Variants in PAX5 observed in about 807,000 individuals in gnomAD.
PAX5 encodes the protein paired box protein Pax-5.
PAX5 carries 9 observed loss-of-function variants against 43.7 expected under a neutral mutation model. The ratio of observed to expected loss-of-function variants is 0.21; its 90% CI spans 0.12 to 0.36. The LOEUF is 0.36. PAX5 is among the 10% of genes least tolerant of loss of function. PAX5 has a pLI of 1.00. For synonymous variants in PAX5, 228 were observed against 214.3 expected (o/e 1.06, Z -0.56); for missense variants, 383 against 532.7 (o/e 0.72, Z 2.77).
chr9:37,029,586 C>T (rs1690722059), intron 1 of PAX5, among the ~76,000 whole-genome samples: 2 of 152,366 alleles, frequency 1.3e-5, no homozygotes, highest in Non-Finnish European at 2.9e-5. Context: ...ATGGAATAGA[C>T]TTCCTGCACT....
chr9:36,902,436 G>A (rs1385430856), intron 7 of PAX5, among the ~76,000 whole-genome samples: 2 of 152,228 alleles, frequency 1.3e-5, no homozygotes, highest in Non-Finnish European at 2.9e-5. Flanking sequence ...AAACACGAAG[G>A]AAGATTGAAC....
intron 6 of PAX5, among the ~76,000 whole-genome samples, chr9:36,964,165 G>A (rs551332210): frequency 1.3e-4 from 19 of 151,556 alleles, no homozygotes; most frequent in South Asian, 8.4e-4. Context: ...CCTGTAGTCC[G>A]TCCTACTCGG....
At chr9:36,915,464 AT>A in intron 7 of PAX5, among the ~76,000 whole-genome samples, 1 of 152,376 alleles carries the variant, frequency 6.6e-6, no homozygotes, top group African/African-American at 2.4e-5. Flanking sequence ...ACGTTTTCAT[AT>A]ACTGCTGGGC....
In PAX5 at chr9:36,867,063, G is replaced by A. The variant is rs567621318; in HGVS notation, c.1012+14941C>T. 3.7e-5 allele frequency among the ~76,000 whole-genome samples: 5 copies of A among 134,296 alleles called. 1 individual carries two copies. The highest frequency in any genetic ancestry group is 4.8e-4 in the East Asian group (2 of 4,182). The allele number at this position is 134,296 out of a possible 152,430, so 88.1% of individuals were successfully genotyped here. On this transcript the variant is annotated intron_variant, in intron 8 of 9. Coordinates refer to ENST00000358127, the MANE Select transcript of PAX5 (RefSeq NM_016734.3). ...CAAAATGTCCTGGATGGGGTGGTGG[G>A]GGGGGGGCCTTGGTTGGTCTCCTGC... is the stretch of plus-strand genomic sequence containing the variant.
intron 5 of PAX5, among the ~76,000 whole-genome samples, chr9:36,972,794 G>A (rs941240720): frequency 4.6e-5 from 7 of 152,134 alleles, no homozygotes; most frequent in Admixed American, 2.0e-4. Flanking sequence ...TTGGGAGGCC[G>A]AGGCAGGCAA....
At chr9:36,928,103 G>T (rs1830801894) in intron 6 of PAX5, among the ~76,000 whole-genome samples, 1 of 152,196 alleles carries the variant, frequency 6.6e-6, no homozygotes, top group African/African-American at 2.4e-5. Context: ...CTCTGCTCCT[G>T]CATGAGCCAG....
At position 36,848,935 on chromosome 9, in the gene PAX5, C is replaced by G. The variant is rs553854866; in HGVS notation, c.1013-2006G>C. 6.6e-5 allele frequency among the ~76,000 whole-genome samples: 10 copies of G among 152,318 alleles called. No homozygotes were observed. The East Asian group carries it at 1.9e-3, about 29-fold the overall frequency. ...GCTCCCAATTCCTTCATAGGATGTG[C>G]CTAAGTCAGTGTCACCCACCATCCT... is the stretch of plus-strand genomic sequence containing the variant. On this transcript the variant is annotated intron_variant, in intron 8 of 9. Transcript: ENST00000358127.
At chr9:37,020,299 G>A (rs1375790068) in intron 2 of PAX5, among the ~76,000 whole-genome samples, 2 of 152,208 alleles carry the variant, frequency 1.3e-5, no homozygotes, top group Non-Finnish European at 2.9e-5. Context: ...CTCTGGTTAT[G>A]TGATATTAAG....
At chr9:36,864,462 T>C (rs1399408654) in intron 8 of PAX5, among the ~76,000 whole-genome samples, 6 of 152,234 alleles carry the variant, frequency 3.9e-5, no homozygotes, top group Admixed American at 1.3e-4. Flanking sequence ...AACTTGATCC[T>C]TGTGGATGTG....
intron 5 of PAX5, among the ~76,000 whole-genome samples, chr9:37,002,086 C>G (rs2132393348): frequency 6.6e-6 from 1 of 152,100 alleles, no homozygotes; most frequent in East Asian, 1.9e-4. Flanking sequence ...TTCTTCCTTC[C>G]AGACCCAAGG....
intron 6 of PAX5, among the ~76,000 whole-genome samples, chr9:36,947,524 G>C (rs996365780): frequency 6.6e-6 from 1 of 152,216 alleles, no homozygotes; most frequent in African/African-American, 2.4e-5. Flanking sequence ...AGCCTCCCGA[G>C]TAGCTATCAC....
chr9:36,910,150 A>T (rs150161058), intron 7 of PAX5, among the ~76,000 whole-genome samples: 6 of 152,334 alleles, frequency 3.9e-5, no homozygotes, highest in Admixed American at 1.3e-4. Context: ...AGGTTCAAAA[A>T]ATCAAAATGT....
chr9:37,005,873 C>T (rs946359459), intron 4 of PAX5, among the ~76,000 whole-genome samples: 4 of 152,178 alleles, frequency 2.6e-5, no homozygotes, highest in Non-Finnish European at 5.9e-5. Flanking sequence ...CATTTCTGAA[C>T]TCTTGAGCAC....
At chr9:36,970,978 C>T (rs1383147023) in intron 5 of PAX5, among the ~76,000 whole-genome samples, 1 of 152,234 alleles carries the variant, frequency 6.6e-6, no homozygotes, top group African/African-American at 2.4e-5. Flanking sequence ...TGAATTGGTA[C>T]TACCTGTGAC....
chr9:36,954,786 T>C (rs568383913), intron 6 of PAX5, among the ~76,000 whole-genome samples: 2 of 152,358 alleles, frequency 1.3e-5, no homozygotes, highest in Non-Finnish European at 2.9e-5. Context: ...TTAGCTATTA[T>C]TTCTTCAAAT....
intron 7 of PAX5, among the ~76,000 whole-genome samples, chr9:36,910,322 C>A (rs1829163615): frequency 6.6e-6 from 1 of 152,124 alleles, no homozygotes; most frequent in African/African-American, 2.4e-5. Flanking sequence ...CTATTCTTTA[C>A]CTTGCTTTTT....
rs556657064 is a variant in PAX5 at position 36,992,125 on chromosome 9, C to CT, written c.604+10522_604+10523insA. 7.4e-5 allele frequency among the ~76,000 whole-genome samples: 6 copies of CT among 80,684 alleles called. No homozygotes were observed. The South Asian group carries it at 1.7e-3, about 22-fold the overall frequency. 52.9% of individuals were successfully genotyped at this position (80,684 alleles called of 152,430 possible). ...CGGGCACACACACACCTCGCCCCCA[C>CT]CCCCCAACCCTCCCACACACACACA... On this transcript the variant is annotated intron_variant, in intron 5 of 9. Transcript: ENST00000358127.
intron 5 of PAX5, among the ~76,000 whole-genome samples, chr9:36,995,552 G>A (rs1255371435): frequency 6.6e-6 from 1 of 152,216 alleles, no homozygotes; most frequent in Non-Finnish European, 1.5e-5. Flanking sequence ...ACGGCCCTGT[G>A]AGAATGGAGG....
intron 6 of PAX5, among the ~76,000 whole-genome samples, chr9:36,957,364 C>A (rs1227029161): frequency 6.6e-6 from 1 of 152,114 alleles, no homozygotes; most frequent in South Asian, 2.1e-4. Context: ...AGTGGTACTG[C>A]GCAACTCAGG....
Sources: gnomAD v4.1 joint callset for allele counts (sites outside exome capture counted in the v4.1 genomes callset) on GRCh38, gnomAD v4.1.1 for gene constraint, MANE v1.5 for transcripts, NCBI Gene and HGNC (gene_info 2026-07-23, HGNC 2026-07-21) for gene names.